Variants in ROBO2 observed in about 807,000 individuals in gnomAD.
ROBO2 encodes the protein roundabout guidance receptor 2, also known as roundabout homolog 2.
In ROBO2, 53 loss-of-function variants were observed where a neutral mutation model predicts 160.8. The ratio of observed to expected loss-of-function variants is 0.33; its 90% CI spans 0.26 to 0.41. The LOEUF is 0.41. Among genes scored for constraint, ROBO2 ranks in the 10% least tolerant of loss-of-function variants. The pLI is 1.00. For synonymous variants in ROBO2, 664 were observed against 611.7 expected, an observed-to-expected ratio of 1.09 and a Z score of -1.26; for missense variants, 1,577 against 1,722.4, an observed-to-expected ratio of 0.92 and a Z score of 1.49.
At chr3:76,081,917 A>G (rs1169139519) in intron 2 of ROBO2, among the ~76,000 whole-genome samples, 2 of 152,152 alleles carry the variant, frequency 1.3e-5, no homozygotes, top group Non-Finnish European at 2.9e-5. Flanking sequence ...ACTCAAATGC[A>G]GAAGTGTAGA....
chr3:76,678,060 T>C (rs111783270), intron 2 of ROBO2, among the ~76,000 whole-genome samples: 4,045 of 135,210 alleles, frequency 0.03, 174 homozygotes, highest in African/African-American at 0.093. Context: ...AAACTCCACC[T>C]ACCAGGTTCA....
intron 2 of ROBO2, among the ~76,000 whole-genome samples, chr3:75,937,919 CG>C (rs1947872893): frequency 7.4e-6 from 1 of 135,444 alleles, no homozygotes. Context: ...TTTGGGTGGG[CG>C]GGTATGCGTA....
chr3:76,435,950 G>A (rs1197187764), intron 2 of ROBO2, among the ~76,000 whole-genome samples: 1 of 152,100 alleles, frequency 6.6e-6, no homozygotes, highest in Non-Finnish European at 1.5e-5. Context: ...TGGCCATCTA[G>A]CATTCCATGC....
At chr3:76,559,732 T>C (rs1211223211) in intron 2 of ROBO2, among the ~76,000 whole-genome samples, 3 of 152,108 alleles carry the variant, frequency 2.0e-5, no homozygotes, top group Non-Finnish European at 4.4e-5. Flanking sequence ...GGAAGAAATA[T>C]CAATTAGTGG....
intron 2 of ROBO2, among the ~76,000 whole-genome samples, chr3:76,097,618 A>G (rs1422940413): frequency 2.0e-5 from 3 of 152,194 alleles, no homozygotes; most frequent in Non-Finnish European, 1.5e-5. Context: ...GTGGAAATTA[A>G]AATAAACAAA....
intron 5 of ROBO2, 95 bp downstream of exon 5, chr3:77,493,477 G>A (rs2086396268): frequency 1.5e-6 from 2 of 1,342,184 alleles, no homozygotes; most frequent in South Asian, 2.4e-5. Context: ...ACACTCCTAT[G>A]TCTTGGGGTA....
chr3:76,093,653 T>C (rs944915025), intron 2 of ROBO2, among the ~76,000 whole-genome samples: 18 of 151,508 alleles, frequency 1.2e-4, no homozygotes, highest in African/African-American at 4.4e-4. Context: ...GTTAAGATCC[T>C]AAAATTTACA....
intron 2 of ROBO2, among the ~76,000 whole-genome samples, chr3:76,907,110 C>CATAG (rs1453042083): frequency 1.3e-5 from 2 of 151,768 alleles, no homozygotes; most frequent in Non-Finnish European, 2.9e-5. Flanking sequence ...TAGTTGAATA[C>CATAG]ATGGATGAAT....
chr3:77,039,989 T>C (rs1438524207), exon 1 of ROBO2: 2 of 562,484 alleles, frequency 3.6e-6, no homozygotes, highest in Non-Finnish European at 4.5e-6. Flanking sequence ...CGCAGCCGCC[T>C]GGTGCACTAT....
At chr3:75,939,501 G>T (rs1381696880) in intron 2 of ROBO2, among the ~76,000 whole-genome samples, 2 of 152,072 alleles carry the variant, frequency 1.3e-5, no homozygotes, top group Non-Finnish European at 2.9e-5. Context: ...CTTCTAGTGG[G>T]AAATGCAAGT....
At chr3:77,579,853 G>A (rs1474208832) in intron 15 of ROBO2, 94 bp from the exon 17 acceptor site, 2 of 1,171,924 alleles carry the variant, frequency 1.7e-6, no homozygotes, top group East Asian at 2.4e-5. Flanking sequence ...AGATAGACAG[G>A]TTATGATTAA....
rs187145246 is a variant in ROBO2, at chr3:75,928,981, G to C, written c.-13-8500G>C. Among the ~76,000 whole-genome samples the C allele has an allele frequency of 1.0e-3, 48 of 48,014 alleles. 18 individuals are homozygous for C. Among genetic ancestry groups the C allele is most frequent in the African/African-American group, 2.2e-3 (48 of 21,624 alleles). 31.5% of individuals were successfully genotyped at this position (48,014 alleles called of 152,430 possible). ...AGATGTGCAGCTGGATAAGACGTAC[G>C]TGTGTGTGTGTGTGTGTGTGATAGC... On this transcript the variant is annotated intron_variant, in intron 1 of 26. Coordinates refer to the ROBO2 transcript ENST00000487694.
Position 76,725,323 on chromosome 3 carries a change from C to T in ROBO2, c.110-372691C>T, listed in dbSNP as rs866806975. Among the ~76,000 whole-genome samples the T allele has an allele frequency of 2.6e-5, 4 of 152,226 alleles. No homozygotes were observed. The South Asian group carries it at 6.2e-4, about 24-fold the overall frequency. ...TCTCTCTAAATTATTCCTTCTTTTA[C>T]AGACCCACTGCCATTGTCCTTGCAC... On this transcript the variant is annotated intron_variant, in intron 2 of 26. Coordinates refer to the ROBO2 transcript ENST00000487694.
At chr3:76,751,408 C>G (rs2060637234) in intron 2 of ROBO2, among the ~76,000 whole-genome samples, 1 of 152,046 alleles carries the variant, frequency 6.6e-6, no homozygotes, top group Admixed American at 6.6e-5. Context: ...GATTTCATGT[C>G]TAAAACACCA....
chr3:77,373,097 A>G (rs996500728), intron 2 of ROBO2, among the ~76,000 whole-genome samples: 3 of 147,184 alleles, frequency 2.0e-5, no homozygotes, highest in African/African-American at 7.3e-5. Context: ...AATAATTAAA[A>G]TATAATATTT....
intron 2 of ROBO2, among the ~76,000 whole-genome samples, chr3:76,025,701 C>T (rs979807357): frequency 2.0e-5 from 3 of 151,822 alleles, no homozygotes; most frequent in South Asian, 4.1e-4. Context: ...CCACATTAAG[C>T]GTGTCAGCAT....
At chr3:76,254,823 T>G (rs1706257727) in intron 2 of ROBO2, among the ~76,000 whole-genome samples, 1 of 151,946 alleles carries the variant, frequency 6.6e-6, no homozygotes, top group African/African-American at 2.4e-5. Context: ...ATATCCTGGT[T>G]GTAGTATTAT....
At chr3:76,550,774 T>C (rs2083368166) in intron 2 of ROBO2, among the ~76,000 whole-genome samples, 1 of 152,232 alleles carries the variant, frequency 6.6e-6, no homozygotes, top group East Asian at 1.9e-4. Context: ...ACGACCTGGC[T>C]GAGTATGTGC....
intron 2 of ROBO2, among the ~76,000 whole-genome samples, chr3:77,140,198 T>C (rs529053591): frequency 6.6e-6 from 1 of 152,332 alleles, no homozygotes; most frequent in East Asian, 1.9e-4. Context: ...GGAAAGACTT[T>C]AGTTTTATTG....
Sources: allele counts gnomAD v4.1 joint callset (sites outside exome capture counted in the v4.1 genomes callset), GRCh38; gene constraint gnomAD v4.1.1; transcripts MANE v1.5; gene names NCBI Gene and HGNC (gene_info 2026-07-23, HGNC 2026-07-21).